Variants in NFASC observed in about 807,000 individuals in gnomAD.
NFASC encodes neurofascin.
In NFASC, 43 loss-of-function variants were observed where a neutral mutation model predicts 147.5. That is an observed-to-expected ratio of 0.29 (90% CI 0.23 to 0.38). NFASC has a LOEUF of 0.38. NFASC is among the 10% of genes least tolerant of loss of function. The pLI is 1.00. For missense variants in NFASC, 1,320 were observed against 1,689.0 expected (o/e 0.78, Z 3.83); for synonymous variants, 622 against 665.5 (o/e 0.93, Z 1.01).
intron 2 of NFASC, among the ~76,000 whole-genome samples, chr1:204,939,796 G>C (rs2093224072): frequency 6.6e-6 from 1 of 152,242 alleles, no homozygotes; most frequent in Non-Finnish European, 1.5e-5. Context: ...TTTCTTCCTG[G>C]TCATCAGGAC....
chr1:204,985,864 C>T (rs1428454520), intron 21 of NFASC: 3 of 1,342,066 alleles, frequency 2.2e-6, no homozygotes, highest in Non-Finnish European at 3.2e-6. Context: ...ACAACTAACC[C>T]AGCCCTGCCT....
chr1:204,995,114 C>T (rs769817890), intron 24 of NFASC, among the ~76,000 whole-genome samples: 3 of 151,948 alleles, frequency 2.0e-5, no homozygotes, highest in Non-Finnish European at 1.5e-5. Context: ...AGCAAGATCC[C>T]GTCTCAATTA....
chr1:204,876,402 CT>C, intron 1 of NFASC, among the ~76,000 whole-genome samples: 1 of 152,240 alleles, frequency 6.6e-6, no homozygotes, highest in Admixed American at 6.5e-5. Flanking sequence ...ATATATCTTT[CT>C]TTTCTTTCTT....
At chr1:204,846,351 C>G (rs191297615) in intron 1 of NFASC, among the ~76,000 whole-genome samples, 11 of 152,244 alleles carry the variant, frequency 7.2e-5, no homozygotes, top group Admixed American at 2.6e-4. Flanking sequence ...TAATTGTGTC[C>G]TTATACCCTT....
intron 1 of NFASC, among the ~76,000 whole-genome samples, chr1:204,833,912 C>G (rs540729133): frequency 1.3e-5 from 2 of 152,132 alleles, no homozygotes; most frequent in Non-Finnish European, 2.9e-5. Context: ...AGGGCTGTTA[C>G]AGAGATTAAA....
At chr1:204,959,390 C>T (rs2094562925) in intron 8 of NFASC, among the ~76,000 whole-genome samples, 1 of 152,198 alleles carries the variant, frequency 6.6e-6, no homozygotes, top group Non-Finnish European at 1.5e-5. Context: ...CAGGGAGACC[C>T]CTTGGAGGAG....
intron 1 of NFASC, among the ~76,000 whole-genome samples, chr1:204,865,355 T>G (rs2077025107): frequency 6.6e-6 from 1 of 152,232 alleles, no homozygotes; most frequent in Non-Finnish European, 1.5e-5. Context: ...AATATCTTAA[T>G]GTACTGTATT....
At position 204,835,421 on chromosome 1, in the gene NFASC, G is replaced by A. The variant is rs187044406; in HGVS notation, c.-200+6639G>A. On this transcript the variant is annotated intron_variant, in intron 1 of 29. Transcript: ENST00000339876. Reference sequence around the variant, plus strand: ...TTTTGTATTTTTTGTAGAGATGGGGGTTTCACCATGTTGGCCAGGCTGGTC... The same window carrying A: ...TTTTGTATTTTTTGTAGAGATGGGGATTTCACCATGTTGGCCAGGCTGGTC... Among the ~76,000 whole-genome samples, 874 of 151,932 alleles carry A rather than the reference G, an allele frequency of 5.8e-3. 10 individuals are homozygous for A. Among genetic ancestry groups the A allele is most frequent in the African/African-American group, 0.019 (807 of 41,426 alleles).
At chr1:204,985,788 T>G in intron 21 of NFASC, 1 of 664,714 alleles carries the variant, frequency 1.5e-6, no homozygotes, top group Non-Finnish European at 2.7e-6. Context: ...ATAGGACTGA[T>G]GAGGTCATTT....
chr1:204,979,455 G>A lies in NFASC; in HGVS notation c.2072G>A (p.Arg691Gln), dbSNP rs151110151. Residue 691 changes from arginine (R) to glutamine (Q), a missense_variant, in exon 19 of 30, where the codon CGG becomes CAG. Physicochemically the swap from Arg to Gln is conservative, Grantham distance 43. Around this residue, in one of 3 missense-constraint regions of NFASC, gnomAD observed 981 missense variants for 1,289.5 expected, o/e 0.76. Coordinates refer to ENST00000339876, the MANE Select transcript of NFASC (RefSeq NM_001005388.3). This position sits in a 1 kb window ranked among gnomAD's most constrained non-coding sequence, Gnocchi z 6.0. Reference sequence around the variant, plus strand: ...GGCAGCGTTAACTCAGCCGTCCTCCGGCTGTCCCCGTATGTCAACTACCAG... The same window carrying A: ...GGCAGCGTTAACTCAGCCGTCCTCCAGCTGTCCCCGTATGTCAACTACCAG... Reference protein sequence around the residue: ...YPGSVNSAVLRLSPYVNYQFR... With the variant: ...YPGSVNSAVLQLSPYVNYQFR... 148 of 1,613,960 alleles carry A rather than the reference G, an allele frequency of 9.2e-5. No individual in the cohort carries two copies. Among genetic ancestry groups the A allele is most frequent in the African/African-American group, 6.0e-4 (45 of 74,994 alleles).
intron 1 of NFASC, among the ~76,000 whole-genome samples, chr1:204,854,325 A>G (rs1158803327): frequency 6.6e-6 from 1 of 152,140 alleles, no homozygotes; most frequent in Non-Finnish European, 1.5e-5. Context: ...CTTGCCAGTA[A>G]GGGAGCTGGC....
intron 2 of NFASC, among the ~76,000 whole-genome samples, chr1:204,924,360 C>G (rs758551425): frequency 2.6e-5 from 4 of 152,202 alleles, no homozygotes; most frequent in South Asian, 2.1e-4. Context: ...TCTATGCTCC[C>G]GCTTATCACA....
At position 204,981,905 on chromosome 1, in the gene NFASC, C is replaced by T. The variant is rs749994404; in HGVS notation, c.2355C>T (p.Arg785=). The T allele has an allele frequency of 1.2e-6, 2 of 1,608,858 alleles. No homozygotes were observed. Among genetic ancestry groups the T allele is most frequent in the South Asian group, 1.1e-5 (1 of 90,004 alleles). Residue 785 remains arginine (R), a synonymous_variant, in exon 21 of 30, where the codon CGC becomes CGT. Transcript: ENST00000339876. ...AWNNVTVWGS[R]YVVGQTPVYV... ...ACAACGTCACAGTGTGGGGCTCTCGCTACGTGGTGGGGCAGACCCCAGTCT... is the reference window on the plus strand; with the variant it reads ...ACAACGTCACAGTGTGGGGCTCTCGTTACGTGGTGGGGCAGACCCCAGTCT...
At chr1:204,977,839 C>A in intron 17 of NFASC, 114 bp downstream of exon 17, 1 of 926,092 alleles carries the variant, frequency 1.1e-6, no homozygotes, top group Non-Finnish European at 1.6e-6. Flanking sequence ...GGTTTGTGGG[C>A]AGCACTCCTG....
chr1:204,897,750 G>A (rs972526084), intron 1 of NFASC, among the ~76,000 whole-genome samples: 2 of 141,686 alleles, frequency 1.4e-5, no homozygotes, highest in African/African-American at 2.6e-5. Context: ...ATTTTTTTTT[G>A]GGGGGGGCAG....
At chr1:204,927,782 C>T (rs2091878625) in intron 2 of NFASC, among the ~76,000 whole-genome samples, 2 of 152,120 alleles carry the variant, frequency 1.3e-5, no homozygotes, top group Admixed American at 6.5e-5. Flanking sequence ...ACCTTGATAC[C>T]CCACGCCTTC....
At position 205,016,568 on chromosome 1, in the gene NFASC, T is replaced by G; in HGVS notation, c.*29T>G. The G allele has an allele frequency of 6.5e-7, 1 of 1,545,948 alleles. No homozygotes were observed. The highest frequency in any genetic ancestry group is 8.9e-7 in the Non-Finnish European group (1 of 1,118,400). ...AGCCCACCCAGGCACAGCCACCACT[T>G]TGCAAGTGGGAGGAGGGGAGAAGGG... On this transcript the variant is annotated 3_prime_UTR_variant, in exon 30 of 30. Transcript: ENST00000339876. The surrounding 1 kb of genome is among the most constrained non-coding windows in gnomAD (Gnocchi z 5.1).
Position 204,901,153 on chromosome 1 carries a change from G to A in NFASC, c.-199-19479G>A, listed in dbSNP as rs532504829. On this transcript the variant is annotated intron_variant, in intron 1 of 29. Coordinates refer to ENST00000339876, the MANE Select transcript of NFASC (RefSeq NM_001005388.3). Reference sequence around the variant, plus strand: ...GAGCTGTGTTTTAGTTAGCAGCTCCGAGATGCCTGTTAGAAATACAACTGG... The same window carrying A: ...GAGCTGTGTTTTAGTTAGCAGCTCCAAGATGCCTGTTAGAAATACAACTGG... Among the ~76,000 whole-genome samples, 4 of 152,300 alleles carry A rather than the reference G, an allele frequency of 2.6e-5. No homozygotes were observed. In the East Asian group the frequency reaches 5.8e-4, roughly 22 times the overall value.
intron 1 of NFASC, among the ~76,000 whole-genome samples, chr1:204,896,992 G>A (rs1046247539): frequency 6.6e-6 from 1 of 152,078 alleles, no homozygotes; most frequent in African/African-American, 2.4e-5. Flanking sequence ...ATTCTCAAAG[G>A]TGCTCCTTCT....
Sources: allele counts gnomAD v4.1 joint callset (sites outside exome capture counted in the v4.1 genomes callset), GRCh38; gene constraint gnomAD v4.1.1; regional missense constraint gnomAD v4.1.1; non-coding constraint Gnocchi (gnomAD v3.1); transcripts MANE v1.5; gene names NCBI Gene and HGNC (gene_info 2026-07-23, HGNC 2026-07-21).